FNDC1: variants seen among roughly 807,000 people sequenced by gnomAD.
FNDC1 encodes the protein fibronectin type III domain-containing protein 1.
FNDC1 carries 96 observed loss-of-function variants against 168.0 expected under a neutral mutation model. That is an observed-to-expected ratio of 0.57 (90% CI 0.48 to 0.68). The LOEUF (loss-of-function observed/expected upper bound fraction) is 0.68, where lower values mean the gene tolerates loss of function less well. FNDC1 is among the 30% of genes least tolerant of loss of function. FNDC1 has a pLI of 0.00. For synonymous variants in FNDC1, 1,099 were observed against 1,025.9 expected (o/e 1.07, Z -1.36); for missense variants, 2,587 against 2,482.1 (o/e 1.04, Z -0.90).
chr6:159,229,271 T>C (rs1199350857), intron 9 of FNDC1, among the ~76,000 whole-genome samples: 2 of 152,216 alleles, frequency 1.3e-5, no homozygotes, highest in Non-Finnish European at 2.9e-5. Context: ...CTGTGAAATA[T>C]CTTTATCAGG....
intron 1 of FNDC1, among the ~76,000 whole-genome samples, chr6:159,190,114 G>A (rs1782101063): frequency 6.6e-6 from 1 of 152,138 alleles, no homozygotes; most frequent in Admixed American, 6.5e-5. Context: ...ATGAATCCAG[G>A]GCATCGCCTG....
At chr6:159,263,990 A>G (rs770246987) in intron 19 of FNDC1, among the ~76,000 whole-genome samples, 3 of 152,186 alleles carry the variant, frequency 2.0e-5, no homozygotes, top group Non-Finnish European at 4.4e-5. Flanking sequence ...AACTTTTTCT[A>G]AAGCAGAATT....
intron 22 of FNDC1, among the ~76,000 whole-genome samples, chr6:159,269,499 T>TCCATCCATGCATCCATCTATCCATCC (rs1562316090): frequency 2.3e-5 from 2 of 87,418 alleles, no homozygotes; most frequent in African/African-American, 8.7e-5. Flanking sequence ...TCTATCTATC[T>TCCATCCATGCATCCATCTATCCATCC]ATCCATCCAT....
rs756750300 is a variant in FNDC1, at chr6:159,230,003, A to G, written c.1369A>G (p.Thr457Ala). 1.2e-6 allele frequency: 2 copies of G among 1,613,004 alleles called. No individual in the cohort carries two copies. Among genetic ancestry groups the G allele is most frequent in the Non-Finnish European group, 1.7e-6 (2 of 1,179,396 alleles). ...AGCCTTCATTGTCGCTATGCCAACA[A>G]GTAAGCATTATGTGTCTGTGGCTGT... ...SKAFIVAMPTTSKADVEQNTE... is the reference protein window; with the variant it reads ...SKAFIVAMPTASKADVEQNTE... Residue 457 changes from threonine (T) to alanine (A), a missense_variant and splice_region_variant, in exon 10 of 23, where the codon ACC (threonine) becomes GCC (alanine). Thr to Ala is a moderately conservative substitution (Grantham distance 58). Coordinates refer to ENST00000297267, the MANE Select transcript of FNDC1 (RefSeq NM_032532.3).
At chr6:159,190,823 T>G (rs1422029402) in intron 1 of FNDC1, among the ~76,000 whole-genome samples, 1 of 152,262 alleles carries the variant, frequency 6.6e-6, no homozygotes, top group Admixed American at 6.5e-5. Flanking sequence ...AAACGTAATT[T>G]GTTATTGATC....
At chr6:159,216,125 C>A (rs776928875) in intron 5 of FNDC1, among the ~76,000 whole-genome samples, 1 of 152,142 alleles carries the variant, frequency 6.6e-6, no homozygotes, top group Non-Finnish European at 1.5e-5. Context: ...CCACACCCAG[C>A]TGATTTTTGT....
rs754978542 is a variant in FNDC1, at chr6:159,233,256, G to A, written c.2744G>A (p.Arg915Lys). 9 of 1,614,002 alleles carry A rather than the reference G, an allele frequency of 5.6e-6. No individual in the cohort carries two copies. In the East Asian group the frequency reaches 6.7e-5, roughly 12 times the overall value. Residue 915 changes from arginine to lysine, a missense_variant, in exon 11 of 23, where the codon AGA becomes AAA. By Grantham distance (26) the Arg-to-Lys change is conservative (BLOSUM62 2). Coordinates refer to ENST00000297267, the MANE Select transcript of FNDC1 (RefSeq NM_032532.3). This position sits in a 1 kb window ranked among gnomAD's most constrained non-coding sequence, Gnocchi z 4.6. ...GAGGACTTAAGGAGAAGCCCGCAGAGAGGGGCCAGCCTGCATCGGAAGGAA... is the reference window on the plus strand; with the variant it reads ...GAGGACTTAAGGAGAAGCCCGCAGAAAGGGGCCAGCCTGCATCGGAAGGAA... ...GWEDLRRSPQ[R>K]GASLHRKEPI... is the part of the protein sequence containing the mutation.
chr6:159,225,391 T>C (rs1562644239), intron 7 of FNDC1, 144 bp from the exon 8 acceptor site: 1 of 631,492 alleles, frequency 1.6e-6, no homozygotes, highest in Non-Finnish European at 2.6e-6. Context: ...GCCAATAACA[T>C]AGTCAAAAGT....
intron 17 of FNDC1, among the ~76,000 whole-genome samples, chr6:159,254,616 G>A (rs1461875381): frequency 6.6e-6 from 1 of 150,498 alleles, no homozygotes; most frequent in African/African-American, 2.4e-5. Context: ...GCTGAGGCAG[G>A]AGAATGGTGT....
intron 5 of FNDC1, among the ~76,000 whole-genome samples, chr6:159,219,445 C>A (rs1227157932): frequency 6.6e-5 from 10 of 152,132 alleles, no homozygotes; most frequent in Non-Finnish European, 2.9e-5. Flanking sequence ...TGCTGGGTGG[C>A]TGTGGCCTGG....
intron 14 of FNDC1, among the ~76,000 whole-genome samples, chr6:159,244,963 G>T (rs957735225): frequency 2.0e-5 from 3 of 152,198 alleles, no homozygotes; most frequent in Admixed American, 1.3e-4. Context: ...GTTCTAAATG[G>T]CTGGGGAGAC....
At chr6:159,267,448 C>T (rs1369414653) in intron 21 of FNDC1, among the ~76,000 whole-genome samples, 2 of 152,192 alleles carry the variant, frequency 1.3e-5, no homozygotes, top group East Asian at 1.9e-4. Flanking sequence ...ATAGACCTTC[C>T]TGCCTTTCAT....
chr6:159,208,473 G>A (rs886703324), intron 4 of FNDC1, among the ~76,000 whole-genome samples: 4 of 152,158 alleles, frequency 2.6e-5, no homozygotes, highest in African/African-American at 4.8e-5. Context: ...TCTTGTGGTC[G>A]TGGGAAGGGC....
chr6:159,261,410 T>A (rs1249533679), intron 19 of FNDC1, 141 bp downstream of exon 19: 4 of 605,262 alleles, frequency 6.6e-6, no homozygotes, highest in Non-Finnish European at 1.1e-5. Context: ...AAAGTAAACA[T>A]CATTTGCTTT....
rs1275133535 is a variant in FNDC1, at chr6:159,169,649, C to T, written c.53C>T (p.Ala18Val). 3.4e-6 allele frequency: 4 copies of T among 1,160,050 alleles called. No homozygotes were observed. The highest frequency in any genetic ancestry group is 8.1e-5 in the South Asian group (2 of 24,610). The allele number at this position is 1,160,050 out of a possible 1,614,324, so 71.9% of individuals were successfully genotyped here. Residue 18 changes from alanine (A) to valine (V), a missense_variant, in exon 1 of 23, where the codon GCG (alanine) becomes GTG (valine). Transcript: ENST00000297267. The surrounding 1 kb of genome is among the most constrained non-coding windows in gnomAD (Gnocchi z 6.8). The stretch of plus-strand genomic sequence containing the variant: ...CGCGCGCCGCGCCGGCTGTCCTGGG[C>T]GGCGCTGCTGCTCTTGGCCGCGCTG... Reference protein sequence around the residue: ...TLRAPRRLSWAALLLLAALLP... With the variant: ...TLRAPRRLSWVALLLLAALLP...
rs748501787 is a variant in FNDC1 at position 159,246,899 on chromosome 6, A to T, written c.4622-2A>T. 6.2e-7 allele frequency: 1 copy of T among 1,609,240 alleles called. No homozygotes were observed. Among genetic ancestry groups the T allele is most frequent in the Non-Finnish European group, 8.5e-7 (1 of 1,175,630 alleles). ...ACTGGTCCTTTTCTCTGTCCTCACT[A>T]GATGAGTTCTCAGGCTTGGAGACTG... On this transcript the variant is annotated splice_acceptor_variant, in intron 14 of 22. Transcript: ENST00000297267. LOFTEE classifies it high-confidence loss of function.
At chr6:159,177,731 A>T (rs889707977) in intron 1 of FNDC1, among the ~76,000 whole-genome samples, 5 of 152,142 alleles carry the variant, frequency 3.3e-5, no homozygotes, top group Non-Finnish European at 1.5e-5. Context: ...TGTGCTCGTG[A>T]TGACGCATCA....
chr6:159,193,380 T>C (rs143938287), intron 1 of FNDC1, among the ~76,000 whole-genome samples: 1 of 152,304 alleles, frequency 6.6e-6, no homozygotes, highest in Non-Finnish European at 1.5e-5. Flanking sequence ...CTTGTGAGCA[T>C]TTCATGGTCT....
rs145592923 is a variant in FNDC1, at chr6:159,199,646, C to G, written c.305-350C>G. On this transcript the variant is annotated intron_variant, in intron 2 of 22. Transcript: ENST00000297267. ...TGACTGACAGTGTATGTTCAAACAC[C>G]TATTTAGTGGACAAGGAGTTCCTGT... Among the ~76,000 whole-genome samples the G allele has an allele frequency of 3.6e-4, 55 of 152,264 alleles. No homozygotes were observed. In the East Asian group the frequency reaches 9.4e-3, roughly 26 times the overall value.
Sources: allele counts gnomAD v4.1 joint callset (sites outside exome capture counted in the v4.1 genomes callset), GRCh38; gene constraint gnomAD v4.1.1; non-coding constraint Gnocchi (gnomAD v3.1); transcripts MANE v1.5; gene names NCBI Gene and HGNC (gene_info 2026-07-23, HGNC 2026-07-21).